Variants in CFAP299 observed in about 807,000 individuals in gnomAD.
CFAP299 encodes cilia and flagella associated protein 299.
In CFAP299, 21 loss-of-function variants were observed where a neutral mutation model predicts 27.0. The observed-to-expected ratio is 0.78, with a 90% CI of 0.55 to 1.12. CFAP299 has a LOEUF of 1.12. Ranked by LOEUF, CFAP299 falls within the 50% of genes most tolerant of loss-of-function variation. The pLI, the probability that CFAP299 is intolerant of heterozygous loss-of-function variation, is 0.00. For missense variants in CFAP299, 310 were observed against 276.6 expected, an observed-to-expected ratio of 1.12 and a Z score of -0.86; for synonymous variants, 104 against 98.1, an observed-to-expected ratio of 1.06 and a Z score of -0.36.
At chr4:80,585,956 G>A (rs1736414873) in intron 3 of CFAP299, among the ~76,000 whole-genome samples, 1 of 152,146 alleles carries the variant, frequency 6.6e-6, no homozygotes, top group Non-Finnish European at 1.5e-5. Context: ...TCAGTGGAGA[G>A]TGAGCAGCTG....
chr4:80,841,489 G>A (rs560915276), intron 3 of CFAP299, among the ~76,000 whole-genome samples: 1 of 152,240 alleles, frequency 6.6e-6, no homozygotes, highest in African/African-American at 2.4e-5. Context: ...CACAGGTTAA[G>A]CAATTTCTAT....
intron 3 of CFAP299, among the ~76,000 whole-genome samples, chr4:80,668,059 T>G (rs1401739554): frequency 6.6e-6 from 1 of 152,138 alleles, no homozygotes; most frequent in Non-Finnish European, 1.5e-5. Flanking sequence ...CATTCTCATT[T>G]CTCTGATTAT....
chr4:80,937,298 C>CTTTTTTTTTTTT (rs1203322592), intron 4 of CFAP299, among the ~76,000 whole-genome samples: 16 of 94,350 alleles, frequency 1.7e-4, no homozygotes, highest in South Asian at 7.5e-4. Context: ...TTTCTTTTTT[C>CTTTTTTTTTTTT]TTTTTTTTTC....
At chr4:80,344,232 AAGAT>A (rs760767781) in intron 1 of CFAP299, among the ~76,000 whole-genome samples, 7 of 150,210 alleles carry the variant, frequency 4.7e-5, no homozygotes, top group Non-Finnish European at 7.5e-5. Context: ...AAAAATTAAT[AAGAT>A]AGATAGACTG....
chr4:80,950,253 A>AT (rs770822614), intron 5 of CFAP299, among the ~76,000 whole-genome samples: 4 of 145,744 alleles, frequency 2.7e-5, no homozygotes, highest in Non-Finnish European at 6.0e-5. Flanking sequence ...TCTTCCCTCC[A>AT]CCCCCCCCCT....
intron 2 of CFAP299, among the ~76,000 whole-genome samples, chr4:80,501,383 TTCTA>T (rs1410294689): frequency 6.7e-6 from 1 of 149,082 alleles, no homozygotes. Context: ...ATACATGTAA[TTCTA>T]TATAAACATA....
chr4:80,328,917 C>T, the CFAP299 span, among the ~76,000 whole-genome samples: 2 of 152,118 alleles, frequency 1.3e-5, no homozygotes, highest in Non-Finnish European at 2.9e-5. Context: ...ATCATTCTTG[C>T]ATTCTATGGT....
intron 4 of CFAP299, among the ~76,000 whole-genome samples, chr4:80,911,544 A>G (rs1735473634): frequency 6.6e-6 from 1 of 152,168 alleles, no homozygotes; most frequent in Non-Finnish European, 1.5e-5. Context: ...TCTGTATGCC[A>G]AAAGAAAATT....
chr4:80,504,575 T>C (rs951315112), intron 2 of CFAP299, among the ~76,000 whole-genome samples: 1 of 143,308 alleles, frequency 7.0e-6, no homozygotes, highest in Non-Finnish European at 1.5e-5. Flanking sequence ...GAAGCTTCCC[T>C]TTTAAAATGT....
intron 3 of CFAP299, among the ~76,000 whole-genome samples, chr4:80,825,220 C>A (rs993471235): frequency 6.6e-6 from 1 of 150,452 alleles, no homozygotes; most frequent in African/African-American, 2.4e-5. Context: ...TTATTATGTC[C>A]GAGGAAAAGA....
chr4:80,860,597 G>C (rs1035685608), intron 3 of CFAP299, among the ~76,000 whole-genome samples: 2 of 152,118 alleles, frequency 1.3e-5, no homozygotes, highest in Admixed American at 6.6e-5. Context: ...GTGTGGATGT[G>C]CTTTCTGTTT....
At chr4:80,478,790 T>C (rs1024556550) in intron 2 of CFAP299, among the ~76,000 whole-genome samples, 1 of 151,878 alleles carries the variant, frequency 6.6e-6, no homozygotes, top group Non-Finnish European at 1.5e-5. Flanking sequence ...TGCTCTGTTT[T>C]TTTTTTTTTA....
intron 4 of CFAP299, among the ~76,000 whole-genome samples, chr4:80,896,455 C>T (rs1734614049): frequency 1.3e-5 from 2 of 152,106 alleles, no homozygotes; most frequent in South Asian, 2.1e-4. Context: ...TGAGGAACTA[C>T]TCTGAAAGAG....
At chr4:80,407,155 G>A (rs893766619) in intron 2 of CFAP299, among the ~76,000 whole-genome samples, 2 of 151,672 alleles carry the variant, frequency 1.3e-5, no homozygotes, top group Non-Finnish European at 2.9e-5. Context: ...ATGAATGAAA[G>A]TATAGGTTTA....
intron 2 of CFAP299, among the ~76,000 whole-genome samples, chr4:80,393,925 A>G (rs980420687): frequency 1.3e-5 from 2 of 151,958 alleles, no homozygotes; most frequent in Non-Finnish European, 2.9e-5. Context: ...TGATCCCCAC[A>G]TGTCAAGAGT....
chr4:80,714,400 T>C (rs946291709), intron 3 of CFAP299, among the ~76,000 whole-genome samples: 2 of 152,152 alleles, frequency 1.3e-5, no homozygotes, highest in Non-Finnish European at 2.9e-5. Context: ...TGTGGTTAGA[T>C]TGCCTGGAGA....
intron 3 of CFAP299, among the ~76,000 whole-genome samples, chr4:80,822,759 C>A (rs998019578): frequency 3.3e-5 from 5 of 152,156 alleles, no homozygotes; most frequent in African/African-American, 1.2e-4. Flanking sequence ...TATTCTAATA[C>A]AATGTGCTTA....
chr4:80,697,882 A>C (rs982292347), intron 3 of CFAP299, among the ~76,000 whole-genome samples: 5 of 152,196 alleles, frequency 3.3e-5, no homozygotes, highest in African/African-American at 7.2e-5. Context: ...AAACCTTTTA[A>C]TTTTAGGTAC....
At chr4:80,354,223 C>G (rs1723150981) in intron 1 of CFAP299, among the ~76,000 whole-genome samples, 1 of 152,174 alleles carries the variant, frequency 6.6e-6, no homozygotes, top group South Asian at 2.1e-4. Context: ...GATTTCATAT[C>G]ATTTTCATTT....
Sources: gnomAD v4.1 joint callset for allele counts (sites outside exome capture counted in the v4.1 genomes callset) on GRCh38, gnomAD v4.1.1 for gene constraint, MANE v1.5 for transcripts, NCBI Gene and HGNC (gene_info 2026-07-23, HGNC 2026-07-21) for gene names.